RHBDD1: variants seen among roughly 807,000 people sequenced by gnomAD.
RHBDD1 encodes rhomboid domain containing 1.
A neutral mutation model predicts 36.3 loss-of-function variants in RHBDD1; 38 were observed. The ratio of observed to expected loss-of-function variants is 1.05; its 90% confidence interval spans 0.81 to 1.37. The LOEUF (loss-of-function observed/expected upper bound fraction) is 1.37. Among genes scored for constraint, RHBDD1 ranks in the 40% most tolerant of loss-of-function variants. The pLI is 0.00. For missense variants in RHBDD1, 393 were observed against 377.6 expected (o/e 1.04, Z -0.34); for synonymous variants, 151 against 136.5 (o/e 1.11, Z -0.74).
At chr2:226,976,978 G>C (rs936617358) in intron 8 of RHBDD1, among the ~76,000 whole-genome samples, 1 of 152,196 alleles carries the variant, frequency 6.6e-6, no homozygotes, top group Non-Finnish European at 1.5e-5. Context: ...GATGGCAGAG[G>C]CCTCTTGTCT....
At chr2:226,842,451 T>C (rs768377124) in intron 3 of RHBDD1, among the ~76,000 whole-genome samples, 25 of 152,128 alleles carry the variant, frequency 1.6e-4, no homozygotes, top group Non-Finnish European at 2.6e-4. Flanking sequence ...TAATTCATTG[T>C]GAGTTAATTT....
At chr2:226,933,849 C>A (rs1445177392) in intron 8 of RHBDD1, among the ~76,000 whole-genome samples, 1 of 152,130 alleles carries the variant, frequency 6.6e-6, no homozygotes, top group Non-Finnish European at 1.5e-5. Flanking sequence ...ATTATCATTT[C>A]TTGCATACTA....
At chr2:226,963,714 A>G (rs1453893309) in intron 8 of RHBDD1, among the ~76,000 whole-genome samples, 1 of 152,158 alleles carries the variant, frequency 6.6e-6, no homozygotes, top group Non-Finnish European at 1.5e-5. Context: ...GCTTCTTGGA[A>G]TGTGGATCTG....
chr2:226,868,839 CGAA>C (rs992616946), intron 5 of RHBDD1, among the ~76,000 whole-genome samples: 2 of 152,298 alleles, frequency 1.3e-5, no homozygotes, highest in Non-Finnish European at 2.9e-5. Flanking sequence ...GACAGTTCCA[CGAA>C]GAAAGCCTAA....
chr2:226,884,437 A>G (rs967376106), intron 5 of RHBDD1, among the ~76,000 whole-genome samples: 2 of 152,170 alleles, frequency 1.3e-5, no homozygotes, highest in Non-Finnish European at 2.9e-5. Flanking sequence ...AGCTTATATG[A>G]GAGATAAAAT....
intron 5 of RHBDD1, among the ~76,000 whole-genome samples, chr2:226,887,906 G>T (rs555497350): frequency 6.6e-6 from 1 of 152,130 alleles, no homozygotes; most frequent in Non-Finnish European, 1.5e-5. Flanking sequence ...CTAATGTTTG[G>T]TATTTTTCCA....
upstream of RHBDD1, among the ~76,000 whole-genome samples, chr2:226,833,080 T>A (rs543481499): frequency 4.4e-4 from 67 of 152,376 alleles, 3 homozygotes; most frequent in South Asian, 0.014. Flanking sequence ...GTCTGCATAG[T>A]CTACTGTTAA....
At chr2:226,865,276 A>G in intron 4 of RHBDD1, 150 bp downstream of exon 4, 1 of 666,318 alleles carries the variant, frequency 1.5e-6, no homozygotes, top group East Asian at 2.6e-5. Flanking sequence ...TGGAGCATGC[A>G]GGGACTAGTT....
At chr2:226,992,043 A>G (rs1379681376) in intron 8 of RHBDD1, among the ~76,000 whole-genome samples, 5 of 152,254 alleles carry the variant, frequency 3.3e-5, no homozygotes, top group Non-Finnish European at 7.3e-5. Flanking sequence ...ATGTGAGTAC[A>G]TATCAGAAAC....
intron 3 of RHBDD1, among the ~76,000 whole-genome samples, chr2:226,846,421 A>G (rs752714518): frequency 6.6e-6 from 1 of 152,152 alleles, no homozygotes; most frequent in Admixed American, 6.5e-5. Context: ...AGTAATGAAA[A>G]CTTCCAGCTT....
chr2:226,995,036 AAGCCAAACC>A (rs1959089062), intron 8 of RHBDD1, among the ~76,000 whole-genome samples: 1 of 152,132 alleles, frequency 6.6e-6, no homozygotes, highest in Non-Finnish European at 1.5e-5. Flanking sequence ...TGATCAGAAG[AAGCCAAACC>A]AGCCTAGTTG....
At position 226,924,291 on chromosome 2, in the gene RHBDD1, G is replaced by A. The variant is rs143857797; in HGVS notation, c.856+9940G>A. 1.8e-3 allele frequency among the ~76,000 whole-genome samples: 272 copies of A among 152,252 alleles called. 2 individuals are homozygous for A. Among genetic ancestry groups the A allele is most frequent in the African/African-American group, 5.9e-3 (244 of 41,546 alleles). ...GAAGGTTTTCTTCTGGCCAGGGTGC[G>A]TCTAGAAATGATGTCTGGTAACTAG... On this transcript the variant is annotated intron_variant, in intron 8 of 8. Coordinates refer to ENST00000392062, the MANE Select transcript of RHBDD1 (RefSeq NM_001167608.3).
chr2:226,835,208 G>A (rs1940857794), upstream of RHBDD1, among the ~76,000 whole-genome samples: 1 of 152,162 alleles, frequency 6.6e-6, no homozygotes, highest in South Asian at 2.1e-4. Flanking sequence ...ACCGCGCCCG[G>A]CTGTAAGATA....
intron 8 of RHBDD1, among the ~76,000 whole-genome samples, chr2:226,950,414 A>G (rs111918934): frequency 6.6e-6 from 1 of 152,320 alleles, no homozygotes; most frequent in East Asian, 1.9e-4. Flanking sequence ...TTCATTGTGT[A>G]TATGTTACCA....
intron 8 of RHBDD1, among the ~76,000 whole-genome samples, chr2:226,993,595 T>G (rs1435068289): frequency 6.6e-6 from 1 of 152,014 alleles, no homozygotes; most frequent in Non-Finnish European, 1.5e-5. Flanking sequence ...GGCAAAAACG[T>G]TTTTTGGGGT....
intron 8 of RHBDD1, chr2:226,969,264 A>C (rs1952979262): frequency 6.6e-6 from 1 of 152,208 alleles, no homozygotes; most frequent in South Asian, 2.1e-4. Flanking sequence ...TTTTAAGAAA[A>C]AAAAAGTGAC....
At chr2:226,916,414 A>G (rs2125724472) in intron 8 of RHBDD1, among the ~76,000 whole-genome samples, 1 of 152,270 alleles carries the variant, frequency 6.6e-6, no homozygotes, top group African/African-American at 2.4e-5. Flanking sequence ...ACAAATTCTC[A>G]TGGTTATTCC....
chr2:226,933,514 A>G (rs951096100), intron 8 of RHBDD1, among the ~76,000 whole-genome samples: 3 of 152,032 alleles, frequency 2.0e-5, no homozygotes, highest in South Asian at 2.1e-4. Flanking sequence ...GCCTTTACCA[A>G]TCTTCTTACA....
the RHBDD1 span, among the ~76,000 whole-genome samples, chr2:226,820,456 A>T: frequency 1.3e-5 from 2 of 152,116 alleles, no homozygotes; most frequent in African/African-American, 4.8e-5. Context: ...GCTCAGTCTT[A>T]TATTTCTCAG....
Sources: gnomAD v4.1 joint callset for allele counts (sites outside exome capture counted in the v4.1 genomes callset) on GRCh38, gnomAD v4.1.1 for gene constraint, MANE v1.5 for transcripts, NCBI Gene and HGNC (gene_info 2026-07-23, HGNC 2026-07-21) for gene names.